KCNIP4: variants seen among roughly 807,000 people sequenced by gnomAD.
KCNIP4 encodes potassium voltage-gated channel interacting protein 4.
In KCNIP4, 12 loss-of-function variants were observed where a neutral mutation model predicts 34.0. The ratio of observed to expected loss-of-function variants is 0.35; its 90% CI spans 0.23 to 0.57. KCNIP4 has a LOEUF of 0.57. Ranked by LOEUF, KCNIP4 falls within the 20% of genes least tolerant of loss-of-function variation. The probability of loss-of-function intolerance (pLI) is 0.83; values close to 1 mark genes in which losing one functional copy is unlikely to be tolerated. For missense variants in KCNIP4, 238 were observed against 311.7 expected (o/e 0.76, Z 1.78); for synonymous variants, 124 against 102.2 (o/e 1.21, Z -1.29).
intron 2 of KCNIP4, among the ~76,000 whole-genome samples, chr4:20,856,394 C>T (rs997158323): frequency 1.3e-5 from 2 of 152,156 alleles, no homozygotes; most frequent in African/African-American, 4.8e-5. Flanking sequence ...ATTTCTGAAG[C>T]CTCTCTGGAT....
At chr4:21,093,660 G>C (rs1747195856) in intron 1 of KCNIP4, among the ~76,000 whole-genome samples, 2 of 151,966 alleles carry the variant, frequency 1.3e-5, no homozygotes, top group African/African-American at 2.4e-5. Context: ...ATACTATATG[G>C]GCTAATGATA....
At chr4:21,419,611 T>A (rs1395086523) in intron 1 of KCNIP4, among the ~76,000 whole-genome samples, 1 of 152,124 alleles carries the variant, frequency 6.6e-6, no homozygotes, top group Non-Finnish European at 1.5e-5. Context: ...CCCAGCAGGG[T>A]TGAAAAATGA....
intron 5 of KCNIP4, among the ~76,000 whole-genome samples, chr4:20,743,265 A>G (rs1195397057): frequency 6.6e-6 from 1 of 152,184 alleles, no homozygotes; most frequent in Admixed American, 6.5e-5. Flanking sequence ...ATTGGAAAAA[A>G]CTACTTTAAA....
intron 1 of KCNIP4, among the ~76,000 whole-genome samples, chr4:20,994,675 C>T (rs2149709961): frequency 6.6e-6 from 1 of 152,198 alleles, no homozygotes; most frequent in East Asian, 1.9e-4. Context: ...AAAGAATGTC[C>T]TAGAGGATTA....
intron 3 of KCNIP4, among the ~76,000 whole-genome samples, chr4:20,843,284 A>G (rs1284087995): frequency 6.6e-6 from 1 of 152,184 alleles, no homozygotes; most frequent in Non-Finnish European, 1.5e-5. Flanking sequence ...TATGCACATA[A>G]AATATACCTA....
intron 1 of KCNIP4, among the ~76,000 whole-genome samples, chr4:21,829,468 G>A (rs2109303141): frequency 6.6e-6 from 1 of 152,022 alleles, no homozygotes; most frequent in South Asian, 2.1e-4. Context: ...TACAAATTGA[G>A]TGTAGATTTT....
intron 1 of KCNIP4, among the ~76,000 whole-genome samples, chr4:21,873,654 TACAA>T (rs1172250460): frequency 6.6e-6 from 1 of 152,124 alleles, no homozygotes; most frequent in African/African-American, 2.4e-5. Context: ...TATCTGAACA[TACAA>T]ACAGCCTTGC....
At chr4:21,166,691 C>G (rs534824978) in intron 1 of KCNIP4, among the ~76,000 whole-genome samples, 33 of 151,940 alleles carry the variant, frequency 2.2e-4, no homozygotes, top group African/African-American at 8.0e-4. Flanking sequence ...GTAAACCCAG[C>G]ACTTTGGGAG....
chr4:20,740,794 A>G (rs991489748), intron 5 of KCNIP4, among the ~76,000 whole-genome samples: 3 of 151,956 alleles, frequency 2.0e-5, no homozygotes, highest in African/African-American at 4.8e-5. Flanking sequence ...AGGATTGTCA[A>G]GATCCATCAG....
At chr4:21,733,147 C>G (rs1206399602) in intron 1 of KCNIP4, among the ~76,000 whole-genome samples, 2 of 152,100 alleles carry the variant, frequency 1.3e-5, no homozygotes, top group African/African-American at 2.4e-5. Flanking sequence ...GTGTTTTATA[C>G]TTCTCTTCAT....
intron 1 of KCNIP4, among the ~76,000 whole-genome samples, chr4:20,899,510 C>T (rs1319917780): frequency 6.6e-6 from 1 of 152,122 alleles, no homozygotes; most frequent in Non-Finnish European, 1.5e-5. Flanking sequence ...CTGATATCTT[C>T]TTATCACTAT....
At chr4:20,769,884 C>G (rs1423656023) in intron 3 of KCNIP4, among the ~76,000 whole-genome samples, 1 of 152,188 alleles carries the variant, frequency 6.6e-6, no homozygotes, top group Admixed American at 6.5e-5. Context: ...GTCCTTCTCA[C>G]ACTCTGATTC....
At chr4:21,831,204 GAAGA>G (rs924438135) in intron 1 of KCNIP4, among the ~76,000 whole-genome samples, 12 of 151,744 alleles carry the variant, frequency 7.9e-5, no homozygotes, top group Admixed American at 2.0e-4. Flanking sequence ...CATCAAACAA[GAAGA>G]AAGATCTCAA....
At chr4:21,113,482 G>GAAAAAAAAAAAAAAAAAAAAAAAAAA (rs1164913472) in intron 1 of KCNIP4, among the ~76,000 whole-genome samples, 19 of 109,458 alleles carry the variant, frequency 1.7e-4, no homozygotes, top group Non-Finnish European at 2.7e-4. Context: ...AAAAAAAAAG[G>GAAAAAAAAAAAAAAAAAAAAAAAAAA]AAAGCTATAC....
chr4:21,270,051 A>G (rs937481920), intron 1 of KCNIP4, among the ~76,000 whole-genome samples: 13 of 152,170 alleles, frequency 8.5e-5, no homozygotes, highest in African/African-American at 3.1e-4. Flanking sequence ...CAAATCAGGT[A>G]TTTTGGGATA....
chr4:21,616,274 A>C (rs1330254649), intron 1 of KCNIP4, among the ~76,000 whole-genome samples: 1 of 152,072 alleles, frequency 6.6e-6, no homozygotes, highest in Non-Finnish European at 1.5e-5. Context: ...TCTTACCTTT[A>C]TCTCTCCACC....
intron 1 of KCNIP4, among the ~76,000 whole-genome samples, chr4:21,145,766 G>C (rs1450114402): frequency 6.6e-6 from 1 of 152,176 alleles, no homozygotes; most frequent in East Asian, 1.9e-4. Context: ...AAATGGTCTG[G>C]TACTGAGAGA....
At chr4:21,274,417 A>G (rs1473462217) in intron 1 of KCNIP4, among the ~76,000 whole-genome samples, 1 of 152,230 alleles carries the variant, frequency 6.6e-6, no homozygotes, top group Non-Finnish European at 1.5e-5. Flanking sequence ...CCTTTGGGAT[A>G]TGACATTTAA....
At chr4:21,492,159 A>G (rs937032059) in intron 1 of KCNIP4, among the ~76,000 whole-genome samples, 14 of 152,176 alleles carry the variant, frequency 9.2e-5, no homozygotes, top group Non-Finnish European at 2.1e-4. Flanking sequence ...AATAAAGAAT[A>G]TCTATTGATA....
Sources: allele counts gnomAD v4.1 joint callset (sites outside exome capture counted in the v4.1 genomes callset), GRCh38; gene constraint gnomAD v4.1.1; transcripts MANE v1.5; gene names NCBI Gene and HGNC (gene_info 2026-07-23, HGNC 2026-07-21).